Variants in PCDHA5 observed in about 807,000 individuals in gnomAD.
The protein encoded by PCDHA5 is protocadherin alpha 5, also known as protocadherin alpha-5.
A neutral mutation model predicts 61.6 loss-of-function variants in PCDHA5; 43 were observed. The ratio of observed to expected loss-of-function variants is 0.70; its 90% CI spans 0.55 to 0.90. The LOEUF is 0.90. Ranked by LOEUF, PCDHA5 falls within the 40% of genes least tolerant of loss-of-function variation. The probability of loss-of-function intolerance (pLI) is 0.00; values close to 1 mark genes in which losing one functional copy is unlikely to be tolerated. For synonymous variants in PCDHA5, 627 were observed against 543.9 expected (o/e 1.15, Z -2.13); for missense variants, 1,298 against 1,222.7 (o/e 1.06, Z -0.92).
rs2150112935 is a variant in PCDHA5 at position 140,822,014 on chromosome 5, A to G, written c.239A>G (p.Asn80Ser). The change falls in exon 1 of 4, where the codon AAT becomes AGT. Residue 80 changes from asparagine (N) to serine (S), a missense_variant. Coordinates refer to ENST00000529859, the MANE Select transcript of PCDHA5 (RefSeq NM_018908.3). ...RGDLLEVNLQ[N>S]GILFVNSRID... The stretch of plus-strand genomic sequence containing the variant: ...GACCTTCTGGAGGTAAATCTGCAGA[A>G]TGGCATTTTGTTTGTGAATTCTCGG... 1 of 1,614,150 alleles carries G rather than the reference A, an allele frequency of 6.2e-7. No homozygotes were observed. Among genetic ancestry groups the G allele is most frequent in the Non-Finnish European group, 8.5e-7 (1 of 1,180,046 alleles).
intron 3 of PCDHA5, among the ~76,000 whole-genome samples, chr5:141,004,805 A>G (rs1588069791): frequency 6.6e-6 from 1 of 152,310 alleles, no homozygotes; most frequent in African/African-American, 2.4e-5. Flanking sequence ...GCTGAGCTCA[A>G]TTGCAGATTT....
At chr5:140,829,997 G>A (rs2150179331) in intron 1 of PCDHA5, 1 of 1,613,998 alleles carries the variant, frequency 6.2e-7, no homozygotes, top group Non-Finnish European at 8.5e-7. Flanking sequence ...CACCACTCGT[G>A]TCCTGGACGA....
Position 141,011,847 on chromosome 5 carries a change from T to C in PCDHA5, c.*1910T>C, listed in dbSNP as rs745912784. 2.0e-5 allele frequency: 3 copies of C among 153,780 alleles called. No individual in the cohort carries two copies. Among genetic ancestry groups the C allele is most frequent in the Non-Finnish European group, 4.4e-5 (3 of 68,052 alleles). The allele number at this position is 153,780 out of a possible 1,614,324, so 9.5% of individuals were successfully genotyped here. ...ATTTGCTGTCACCTTAAATAAGACA[T>C]TTTAATTTTGTTATAATGTACAATT... On this transcript the variant is annotated 3_prime_UTR_variant, in exon 4 of 4. Coordinates refer to ENST00000529859, the MANE Select transcript of PCDHA5 (RefSeq NM_018908.3).
At chr5:140,968,467 A>T in intron 1 of PCDHA5, 1 of 1,614,124 alleles carries the variant, frequency 6.2e-7, no homozygotes, top group East Asian at 2.2e-5. Flanking sequence ...CTGCCAACGT[A>T]TATGTGGTGG....
At chr5:140,959,524 C>T (rs187530929) in intron 1 of PCDHA5, among the ~76,000 whole-genome samples, 1 of 152,024 alleles carries the variant, frequency 6.6e-6, no homozygotes. Context: ...ATCTTTAAGA[C>T]CATTAATTCA....
At chr5:140,942,838 A>G (rs2093377015) in intron 1 of PCDHA5, among the ~76,000 whole-genome samples, 1 of 152,198 alleles carries the variant, frequency 6.6e-6, no homozygotes, top group Non-Finnish European at 1.5e-5. Context: ...GTCAATAAAA[A>G]TTCCAGTAAG....
intron 3 of PCDHA5, among the ~76,000 whole-genome samples, chr5:141,000,414 TA>T (rs1441995674): frequency 2.8e-4 from 28 of 99,544 alleles, no homozygotes; most frequent in African/African-American, 3.7e-4. Flanking sequence ...TATATATATA[TA>T]TATATATTTT....
chr5:140,829,246 G>T (rs2150164613), intron 1 of PCDHA5: 1 of 1,614,268 alleles, frequency 6.2e-7, no homozygotes, highest in Admixed American at 1.7e-5. Flanking sequence ...ACGGGCAGGT[G>T]AACTGCTCGC....
Position 140,824,042 on chromosome 5 carries a change from G to C in PCDHA5, c.2267G>C (p.Arg756Thr), listed in dbSNP as rs2150067229. 6.2e-7 allele frequency: 1 copy of C among 1,614,148 alleles called. No homozygotes were observed. The highest frequency in any genetic ancestry group is 8.5e-7 in the Non-Finnish European group (1 of 1,179,994). ...SWSYSQQRRQ[R>T]VCSGEAPPKT... The stretch of plus-strand genomic sequence containing the variant: ...TCGTACTCGCAGCAGAGGAGACAGA[G>C]GGTGTGCTCTGGGGAAGCTCCACCC... Residue 756 changes from arginine to threonine, a missense_variant, in exon 1 of 4, where the codon AGG (arginine) becomes ACG (threonine). By Grantham distance (71) the Arg-to-Thr change is moderately conservative. Transcript: ENST00000529859.
intron 1 of PCDHA5, chr5:140,928,628 T>G: frequency 6.2e-7 from 1 of 1,614,222 alleles, no homozygotes; most frequent in Non-Finnish European, 8.5e-7. Context: ...ACTGGACACT[T>G]GGTCACAAAA....
intron 1 of PCDHA5, chr5:140,882,150 C>T: frequency 1.3e-6 from 2 of 1,501,768 alleles, no homozygotes; most frequent in Non-Finnish European, 1.8e-6. Context: ...TAGCAGAAAG[C>T]GGAATACCTC....
At chr5:140,864,296 A>T (rs1232211439) in intron 1 of PCDHA5, 1 of 152,194 alleles carries the variant, frequency 6.6e-6, no homozygotes, top group African/African-American at 2.4e-5. Context: ...TATGTATTCA[A>T]AAATACCATG....
chr5:140,871,760 G>C lies in PCDHA5; in HGVS notation c.2352+47633G>C, dbSNP rs191249350. Among the ~76,000 whole-genome samples the C allele has an allele frequency of 5.4e-3, 815 of 152,314 alleles. 3 individuals are homozygous for C. Among genetic ancestry groups the C allele is most frequent in the Middle Eastern group, 0.014 (4 of 294 alleles). The stretch of plus-strand genomic sequence containing the variant: ...AAATCCTAAAAGAAATGAGATGCAA[G>C]AGTGACTCTTCTGTAGTCACTTGAG... On this transcript the variant is annotated intron_variant, in intron 1 of 3. Coordinates refer to ENST00000529859, the MANE Select transcript of PCDHA5 (RefSeq NM_018908.3).
chr5:140,886,368 C>A (rs1174734883), intron 1 of PCDHA5, among the ~76,000 whole-genome samples: 1 of 152,040 alleles, frequency 6.6e-6, no homozygotes, highest in Non-Finnish European at 1.5e-5. Flanking sequence ...GGTGTACATG[C>A]CATGGTGTGC....
intron 1 of PCDHA5, chr5:140,834,461 A>T: frequency 6.3e-7 from 1 of 1,589,356 alleles, no homozygotes; most frequent in Non-Finnish European, 8.6e-7. Flanking sequence ...CTTGGGAGGC[A>T]GGGAGAGGCC....
chr5:140,863,407 C>A (rs1343146552), intron 1 of PCDHA5: 4 of 788,794 alleles, frequency 5.1e-6, no homozygotes, highest in African/African-American at 1.7e-5. Flanking sequence ...CAAGCCCACG[C>A]TGGTGTACCG....
intron 1 of PCDHA5, among the ~76,000 whole-genome samples, chr5:140,937,385 T>G (rs1022137225): frequency 2.6e-5 from 4 of 152,170 alleles, no homozygotes; most frequent in Admixed American, 2.6e-4. Flanking sequence ...TGTGTGTATG[T>G]GTATATAGGG....
At chr5:140,910,679 A>G (rs1554194364) in intron 1 of PCDHA5, among the ~76,000 whole-genome samples, 1 of 152,208 alleles carries the variant, frequency 6.6e-6, no homozygotes, top group East Asian at 1.9e-4. Context: ...AAGGGAGATC[A>G]GGCATTTCCA....
chr5:140,973,863 T>C (rs868937124), intron 1 of PCDHA5, among the ~76,000 whole-genome samples: 1 of 152,224 alleles, frequency 6.6e-6, no homozygotes. Context: ...TTGCTCTCAA[T>C]GAGAGGTCAG....
Sources: allele counts gnomAD v4.1 joint callset (sites outside exome capture counted in the v4.1 genomes callset), GRCh38; gene constraint gnomAD v4.1.1; transcripts MANE v1.5; gene names NCBI Gene and HGNC (gene_info 2026-07-23, HGNC 2026-07-21).